The following EEIG2 variants were observed in gnomAD, a reference collection of about 807,000 sequenced individuals.
EEIG2 encodes EEIG family member 2, also known as family with sequence similarity 102 member B.
the EEIG2 span, among the ~76,000 whole-genome samples, chr1:108,614,206 A>AAAT: frequency 1.6e-4 from 1 of 6,232 alleles, no homozygotes; most frequent in Non-Finnish European, 1.0e-3. Context: ...CCCCATCTCT[A>AAAT]AAAAAAAAAA....
the EEIG2 span, among the ~76,000 whole-genome samples, chr1:108,572,298 G>A: frequency 6.6e-6 from 1 of 152,010 alleles, no homozygotes. Context: ...GAGCAAAATT[G>A]AATGGAAAAT....
At chr1:108,593,326 C>G in the EEIG2 span, among the ~76,000 whole-genome samples, 3 of 152,282 alleles carry the variant, frequency 2.0e-5, no homozygotes, top group Middle Eastern at 3.4e-3. Context: ...TAATCATCAT[C>G]ATGACAGTTT....
At chr1:108,610,851 G>T in the EEIG2 span, among the ~76,000 whole-genome samples, 1 of 152,068 alleles carries the variant, frequency 6.6e-6, no homozygotes, top group South Asian at 2.1e-4. Flanking sequence ...GGAGAATGGC[G>T]TGAAGCTGGG....
chr1:108,635,109 G>A, the EEIG2 span: 1 of 1,614,082 alleles, frequency 6.2e-7, no homozygotes, highest in South Asian at 1.1e-5. Flanking sequence ...CTGTTTTAGG[G>A]TGGGGTCTGG....
At chr1:108,574,760 G>A in the EEIG2 span, among the ~76,000 whole-genome samples, 3 of 152,058 alleles carry the variant, frequency 2.0e-5, no homozygotes, top group Admixed American at 6.6e-5. Flanking sequence ...CAAAGAAAAG[G>A]GGGGGTTAGA....
At chr1:108,570,485 A>G in the EEIG2 span, among the ~76,000 whole-genome samples, 39 of 152,348 alleles carry the variant, frequency 2.6e-4, no homozygotes, top group East Asian at 6.7e-3. Context: ...TAGCTTTCTC[A>G]GTAGCAACCA....
the EEIG2 span, among the ~76,000 whole-genome samples, chr1:108,587,765 G>T: frequency 6.6e-6 from 1 of 151,974 alleles, no homozygotes; most frequent in South Asian, 2.1e-4. Context: ...TGAAATTTTC[G>T]GTATGAAGTC....
chr1:108,613,411 T>C, the EEIG2 span, among the ~76,000 whole-genome samples: 2 of 152,186 alleles, frequency 1.3e-5, no homozygotes, highest in Non-Finnish European at 1.5e-5. Flanking sequence ...TTCTCCTGCC[T>C]GGTCAGGGTT....
At chr1:108,626,149 A>G in the EEIG2 span, 2 of 152,130 alleles carry the variant, frequency 1.3e-5, no homozygotes, top group African/African-American at 4.8e-5. Flanking sequence ...TTGATGTTCC[A>G]AAGGGTTTGG....
At chr1:108,578,383 T>C in the EEIG2 span, among the ~76,000 whole-genome samples, 1 of 120,652 alleles carries the variant, frequency 8.3e-6, no homozygotes, top group East Asian at 2.2e-4. Context: ...GTGCCAGTTT[T>C]CAAAGGGAAT....
chr1:108,588,133 C>G, the EEIG2 span, among the ~76,000 whole-genome samples: 1 of 152,058 alleles, frequency 6.6e-6, no homozygotes, highest in Non-Finnish European at 1.5e-5. Context: ...TACGTTGTTT[C>G]CATATTTTGT....
the EEIG2 span, among the ~76,000 whole-genome samples, chr1:108,564,985 A>G: frequency 6.6e-6 from 1 of 152,196 alleles, no homozygotes; most frequent in East Asian, 1.9e-4. Flanking sequence ...ATTAGTGAAA[A>G]TTAATTTTAG....
At chr1:108,612,234 C>T in the EEIG2 span, 10 of 1,613,562 alleles carry the variant, frequency 6.2e-6, no homozygotes, top group Admixed American at 1.0e-4. Context: ...ATACCACTCG[C>T]CGCTGTTTAC....
At chr1:108,567,238 T>C in the EEIG2 span, among the ~76,000 whole-genome samples, 3 of 152,224 alleles carry the variant, frequency 2.0e-5, no homozygotes, top group Admixed American at 6.5e-5. Context: ...ATAATACCTG[T>C]AATAATAGTA....
At chr1:108,580,497 A>G in the EEIG2 span, among the ~76,000 whole-genome samples, 44 of 152,246 alleles carry the variant, frequency 2.9e-4, no homozygotes, top group Non-Finnish European at 2.2e-4. Context: ...GCCAAAAGCT[A>G]GGCCTCTTGC....
the EEIG2 span, among the ~76,000 whole-genome samples, chr1:108,585,617 T>G: frequency 1.3e-5 from 2 of 152,264 alleles, no homozygotes; most frequent in East Asian, 3.9e-4. Flanking sequence ...TACCAATGCA[T>G]ATGATCCCTT....
At chr1:108,564,715 C>T in the EEIG2 span, among the ~76,000 whole-genome samples, 11 of 152,046 alleles carry the variant, frequency 7.2e-5, no homozygotes, top group African/African-American at 1.9e-4. Flanking sequence ...GGCCGAGACA[C>T]GCGGATTGGT....
At chr1:108,588,957 A>G in the EEIG2 span, among the ~76,000 whole-genome samples, 1 of 152,224 alleles carries the variant, frequency 6.6e-6, no homozygotes, top group Non-Finnish European at 1.5e-5. Context: ...ACAAGTATTC[A>G]GCAAATATTC....
At chr1:108,572,991 T>A in the EEIG2 span, among the ~76,000 whole-genome samples, 1 of 152,254 alleles carries the variant, frequency 6.6e-6, no homozygotes, top group East Asian at 1.9e-4. Context: ...ATACTATGGT[T>A]TACCCATTCA....
Sources: allele counts gnomAD v4.1 joint callset (sites outside exome capture counted in the v4.1 genomes callset), GRCh38; gene constraint gnomAD v4.1.1; transcripts MANE v1.5; gene names NCBI Gene and HGNC (gene_info 2026-07-23, HGNC 2026-07-21).